INF2: variants seen among roughly 807,000 people sequenced by gnomAD.
The protein encoded by INF2 is inverted formin-2.
INF2 carries 43 observed loss-of-function variants against 123.5 expected under a neutral mutation model. That is an observed-to-expected ratio of 0.35 (90% CI 0.27 to 0.45). The LOEUF (loss-of-function observed/expected upper bound fraction) is 0.45. INF2 is among the 20% of genes least tolerant of loss of function. The probability of loss-of-function intolerance (pLI) is 1.00; values close to 1 mark genes in which losing one functional copy is unlikely to be tolerated. For missense variants in INF2, 1,453 were observed against 1,682.7 expected, an observed-to-expected ratio of 0.86 and a Z score of 2.39; for synonymous variants, 851 against 745.0, an observed-to-expected ratio of 1.14 and a Z score of -2.32.
At chr14:104,703,497 C>G in intron 4 of INF2, 43 bp downstream of exon 4, 1 of 1,603,740 alleles carries the variant, frequency 6.2e-7, no homozygotes, top group Non-Finnish European at 8.5e-7. Flanking sequence ...CTGCCCGCCT[C>G]TTGGCCAGTG....
upstream of INF2, chr14:104,689,611 C>CCCCCCCCCCCCCG: frequency 1.1e-6 from 1 of 875,990 alleles, no homozygotes; most frequent in Non-Finnish European, 1.4e-6. Flanking sequence ...CCGCCCGCCC[C>CCCCCCCCCCCCCG]GCGCCCGCCA....
chr14:104,689,553 C>T, upstream of INF2: 1 of 913,934 alleles, frequency 1.1e-6, no homozygotes, highest in Non-Finnish European at 1.3e-6. Flanking sequence ...TCGCTCCCCA[C>T]GTGGCCGCTG....
rs746240373 is a variant in INF2, at chr14:104,715,355, G to A, written c.*1+15G>A. ...GATCCAGTAAGGTATGTACGCAGCC[G>A]GCGCTCCGTGGGGGCTAACAGCAGC... is the stretch of plus-strand genomic sequence containing the variant. On this transcript the variant is annotated intron_variant, in intron 22 of 22. Coordinates refer to ENST00000392634, the MANE Select transcript of INF2 (RefSeq NM_022489.4). 1.4e-5 allele frequency: 22 copies of A among 1,610,470 alleles called. No homozygotes were observed. Among genetic ancestry groups the A allele is most frequent in the South Asian group, 2.2e-5 (2 of 91,008 alleles).
chr14:104,713,299 C>G lies in INF2; in HGVS notation c.2868C>G (p.Asp956Glu), dbSNP rs748088770. The change falls in exon 19 of 23, where the codon GAC becomes GAG. Residue 956 changes from aspartate to glutamate, a missense_variant. Asp to Glu is a conservative substitution (Grantham distance 45, BLOSUM62 2). Around this residue, in one of 8 missense-constraint regions of INF2, gnomAD observed 212 missense variants for 266.2 expected, o/e 0.80. Transcript: ENST00000392634. ...EEEARRPRGE[D>E]GKPVRKGPGK... ...AGGCGCGGCGGCCTCGGGGAGAGGA[C>G]GGGAAGCCTGGTGAGGCTGGGCCGG... The G allele has an allele frequency of 8.4e-6, 13 of 1,550,482 alleles. No individual in the cohort carries two copies. Among genetic ancestry groups the G allele is most frequent in the Non-Finnish European group, 1.1e-5 (13 of 1,147,624 alleles).
intron 3 of INF2, 26 bp downstream of exon 3, chr14:104,703,246 C>T (rs2140647613): frequency 6.2e-7 from 1 of 1,612,976 alleles, no homozygotes; most frequent in Non-Finnish European, 8.5e-7. Context: ...TGGGCCTGGG[C>T]ACATGGGGCT....
chr14:104,693,887 A>AGAC (rs760910768), intron 1 of INF2, among the ~76,000 whole-genome samples: 7 of 152,156 alleles, frequency 4.6e-5, no homozygotes, highest in Non-Finnish European at 7.4e-5. Flanking sequence ...GGCACAGCTC[A>AGAC]GACTGTCGCC....
At chr14:104,698,394 A>C (rs1313798981) in intron 1 of INF2, among the ~76,000 whole-genome samples, 1 of 152,244 alleles carries the variant, frequency 6.6e-6, no homozygotes, top group Non-Finnish European at 1.5e-5. Context: ...GGAGTCGGCC[A>C]CCGCCACCCG....
At chr14:104,682,946 G>C (rs1214078502) in intron 1 of INF2, among the ~76,000 whole-genome samples, 1 of 152,136 alleles carries the variant, frequency 6.6e-6, no homozygotes, top group African/African-American at 2.4e-5. Flanking sequence ...AATGTTGGGT[G>C]TGCCTGGGAT....
chr14:104,702,774 C>G (rs924259032), intron 2 of INF2, among the ~76,000 whole-genome samples: 1 of 152,200 alleles, frequency 6.6e-6, no homozygotes, highest in African/African-American at 2.4e-5. Flanking sequence ...GGGTGGGAGG[C>G]AGGGGTTCAT....
intron 13 of INF2, 63 bp from the exon 14 acceptor site, chr14:104,710,874 A>C (rs1890016925): frequency 6.8e-7 from 1 of 1,460,524 alleles, no homozygotes; most frequent in Admixed American, 1.7e-5. Flanking sequence ...ACCACACCCC[A>C]CCGCCAGGGC....
chr14:104,698,277 C>T (rs1263077221), intron 1 of INF2, among the ~76,000 whole-genome samples: 1 of 152,240 alleles, frequency 6.6e-6, no homozygotes, highest in Non-Finnish European at 1.5e-5. Flanking sequence ...TAGCCCCGTG[C>T]CCCTGAGATC....
intron 1 of INF2, among the ~76,000 whole-genome samples, chr14:104,683,072 C>T (rs562047888): frequency 1.1e-4 from 11 of 104,494 alleles, no homozygotes; most frequent in East Asian, 7.8e-4. Flanking sequence ...GGATTACAGG[C>T]GTGAGCCACT....
rs746125914 is a variant in INF2, at chr14:104,714,706, G to A, written c.3544G>A (p.Glu1182Lys). 3 of 1,610,214 alleles carry A rather than the reference G, an allele frequency of 1.9e-6. No individual in the cohort carries two copies. The South Asian group carries it at 3.3e-5, about 18-fold the overall frequency. Residue 1182 changes from glutamate to lysine, a missense_variant, in exon 21 of 23, where the codon GAG becomes AAG. This residue lies in a region of INF2 where 344 missense variants were observed against 333.1 expected (regional missense o/e 1.03). Transcript: ENST00000392634. Reference protein sequence around the residue: ...EDEDEEDTAPESALDTSLDKS... With the variant: ...EDEDEEDTAPKSALDTSLDKS... ...CGAGGACGAGGAGGACACGGCCCCA[G>A]AGTCCGCACTGGACACATCCCTGGA... is the stretch of plus-strand genomic sequence containing the variant.
intron 1 of INF2, among the ~76,000 whole-genome samples, chr14:104,693,143 C>T (rs1185386517): frequency 6.6e-6 from 1 of 152,232 alleles, no homozygotes; most frequent in East Asian, 1.9e-4. Flanking sequence ...CTGCCAAGGC[C>T]CCTGGCCCTG....
chr14:104,687,153 C>T (rs917200997), upstream of INF2, among the ~76,000 whole-genome samples: 5 of 152,148 alleles, frequency 3.3e-5, no homozygotes, highest in Non-Finnish European at 7.4e-5. This position sits in a 1 kb window ranked among gnomAD's most constrained non-coding sequence, Gnocchi z 5.6. Flanking sequence ...GAAGCAGCTC[C>T]GGAAGCCGCA....
chr14:104,712,740 G>A, intron 17 of INF2, 88 bp from the exon 18 acceptor site: 1 of 1,493,378 alleles, frequency 6.7e-7, no homozygotes. Context: ...CTGTCCCTGT[G>A]GCCGTCACCC....
chr14:104,691,847 T>A (rs1888970193), intron 1 of INF2, among the ~76,000 whole-genome samples: 1 of 152,114 alleles, frequency 6.6e-6, no homozygotes, highest in Non-Finnish European at 1.5e-5. Context: ...CTGGTCTGCC[T>A]CTGAGCACCC....
chr14:104,709,203 C>A, intron 10 of INF2, 78 bp from the exon 11 acceptor site: 2 of 1,131,298 alleles, frequency 1.8e-6, no homozygotes, highest in Non-Finnish European at 2.6e-6. Flanking sequence ...GGAAACCCTG[C>A]CAGGTGGGGT....
upstream of INF2, chr14:104,689,590 TCCCG>T: frequency 3.1e-6 from 2 of 646,908 alleles, no homozygotes; most frequent in Non-Finnish European, 3.7e-6. Flanking sequence ...CTCCTCTTCC[TCCCG>T]CCCGCCCCGC....
Sources: allele counts gnomAD v4.1 joint callset (sites outside exome capture counted in the v4.1 genomes callset), GRCh38; gene constraint gnomAD v4.1.1; regional missense constraint gnomAD v4.1.1; non-coding constraint Gnocchi (gnomAD v3.1); transcripts MANE v1.5; gene names NCBI Gene and HGNC (gene_info 2026-07-23, HGNC 2026-07-21).